NFATC3: variants seen among roughly 807,000 people sequenced by gnomAD.
The protein encoded by NFATC3 is nuclear factor of activated T-cells, cytoplasmic 3.
NFATC3 carries 46 observed loss-of-function variants against 98.6 expected under a neutral mutation model. The observed-to-expected ratio is 0.47, with a 90% CI of 0.37 to 0.60. NFATC3 has a LOEUF of 0.60. Among genes scored for constraint, NFATC3 ranks in the 20% least tolerant of loss-of-function variants. The pLI is 0.00. For synonymous variants in NFATC3, 512 were observed against 472.2 expected (o/e 1.08, Z -1.09); for missense variants, 1,256 against 1,295.5 (o/e 0.97, Z 0.47).
intron 8 of NFATC3, among the ~76,000 whole-genome samples, chr16:68,187,130 GGGTCTGGCA>G (rs1028001967): frequency 3.9e-5 from 6 of 152,224 alleles, no homozygotes; most frequent in Non-Finnish European, 7.3e-5. Context: ...TGGCTATGGA[GGGTCTGGCA>G]GCTCTAGGCA....
intron 1 of NFATC3, among the ~76,000 whole-genome samples, chr16:68,113,466 C>T (rs145774414): frequency 6.6e-6 from 1 of 152,226 alleles, no homozygotes; most frequent in African/African-American, 2.4e-5. Context: ...GCCTCCTCCT[C>T]TGGGAGCTTC....
intron 1 of NFATC3, among the ~76,000 whole-genome samples, chr16:68,087,435 G>A (rs1314098346): frequency 1.3e-5 from 2 of 152,130 alleles, no homozygotes; most frequent in South Asian, 4.1e-4. Context: ...TCTAAAAGGA[G>A]TTATCTGTAA....
intron 1 of NFATC3, among the ~76,000 whole-genome samples, chr16:68,100,907 G>GTGT (rs2035310876): frequency 7.0e-6 from 1 of 142,824 alleles, no homozygotes; most frequent in African/African-American, 2.5e-5. Flanking sequence ...GTGTGTGTGG[G>GTGT]GTGTGTGTGT....
intron 1 of NFATC3, among the ~76,000 whole-genome samples, chr16:68,116,746 G>A (rs1166856448): frequency 6.6e-6 from 1 of 151,914 alleles, no homozygotes; most frequent in Non-Finnish European, 1.5e-5. Flanking sequence ...ACTGAAATGG[G>A]CTGGTACAAT....
At chr16:68,166,611 G>A (rs558749669) in intron 4 of NFATC3, among the ~76,000 whole-genome samples, 19 of 152,322 alleles carry the variant, frequency 1.2e-4, no homozygotes, top group Admixed American at 1.2e-3. Context: ...CTGGAATGAA[G>A]AGGAATTATT....
Position 68,227,365 on chromosome 16 carries a change from A to G in NFATC3, c.*894A>G, listed in dbSNP as rs934898169. On this transcript the variant is annotated 3_prime_UTR_variant, in exon 10 of 10. Coordinates refer to ENST00000346183, the MANE Select transcript of NFATC3 (RefSeq NM_173165.3). ...TCATCTGGTCGTAGAACCTTTTCCA[A>G]ACAGAAGCATCTGCCTTTGGCTGTT... The G allele has an allele frequency of 6.6e-6, 1 of 152,006 alleles. No individual in the cohort carries two copies. Among genetic ancestry groups the G allele is most frequent in the Non-Finnish European group, 1.5e-5 (1 of 67,986 alleles). The allele number at this position is 152,006 out of a possible 1,614,324, so 9.4% of individuals were successfully genotyped here. A position where few individuals can be genotyped will look rare whatever the true frequency, so the allele number is the denominator to read the frequency against.
At chr16:68,103,385 T>A (rs1000848813) in intron 1 of NFATC3, among the ~76,000 whole-genome samples, 5 of 152,010 alleles carry the variant, frequency 3.3e-5, no homozygotes, top group African/African-American at 1.2e-4. Flanking sequence ...AGTTTTGTAT[T>A]ATTTTGTGGA....
intron 1 of NFATC3, among the ~76,000 whole-genome samples, chr16:68,086,191 C>A (rs1388522443): frequency 6.6e-6 from 1 of 152,152 alleles, no homozygotes; most frequent in Non-Finnish European, 1.5e-5. Flanking sequence ...TTGAAAGATG[C>A]TTATTTTTCA....
chr16:68,095,412 G>A (rs1394911789), intron 1 of NFATC3, among the ~76,000 whole-genome samples: 2 of 148,492 alleles, frequency 1.3e-5, no homozygotes, highest in Non-Finnish European at 3.0e-5. Flanking sequence ...GAGCACAGTG[G>A]CACAATCTCT....
At chr16:68,165,329 T>C (rs2039135441) in intron 4 of NFATC3, among the ~76,000 whole-genome samples, 1 of 151,918 alleles carries the variant, frequency 6.6e-6, no homozygotes, top group Middle Eastern at 3.2e-3. Context: ...AAATTTTGAG[T>C]GGCTTAATTC....
At chr16:68,134,407 T>A (rs1017103089) in intron 3 of NFATC3, among the ~76,000 whole-genome samples, 2 of 152,162 alleles carry the variant, frequency 1.3e-5, no homozygotes, top group Non-Finnish European at 2.9e-5. Flanking sequence ...TTTTCTTGTC[T>A]GAAACTCTTG....
chr16:68,088,923 A>C (rs1421324508), intron 1 of NFATC3: 1 of 975,798 alleles, frequency 1.0e-6, no homozygotes, highest in Non-Finnish European at 1.2e-6. Flanking sequence ...CTGGCTTCCC[A>C]AAATGCTGGG....
At chr16:68,117,201 T>C (rs1159366338) in intron 1 of NFATC3, among the ~76,000 whole-genome samples, 1 of 152,206 alleles carries the variant, frequency 6.6e-6, no homozygotes. Flanking sequence ...TTCTGTCCAC[T>C]TGAGTACCAT....
chr16:68,102,090 C>T (rs7193595), intron 1 of NFATC3, among the ~76,000 whole-genome samples: 4,565 of 151,832 alleles, frequency 0.03, 204 homozygotes, highest in African/African-American at 0.1. Context: ...TAAAGGTCTT[C>T]ACCAGGCGCA....
chr16:68,150,431 A>T (rs1334886914), intron 3 of NFATC3, among the ~76,000 whole-genome samples: 1 of 148,156 alleles, frequency 6.7e-6, no homozygotes, highest in Non-Finnish European at 1.5e-5. Flanking sequence ...AAAAAAAAAA[A>T]AAAAGCTAGG....
At position 68,122,191 on chromosome 16, in the gene NFATC3, C is replaced by T; in HGVS notation, c.308C>T (p.Pro103Leu). ...TCTAAATATAGCCCATTAGGTGGTC[C>T]CAAACCCTTTGAGTGCCCAAGTATT... ...PESKYSPLGG[P>L]KPFECPSIQI... Residue 103 changes from proline to leucine, a missense_variant, in exon 2 of 10, where the codon CCC becomes CTC. Physicochemically the swap from Pro to Leu is moderately conservative, Grantham distance 98 (BLOSUM62 -3). This residue lies in a region of NFATC3 where 464 missense variants were observed against 465.7 expected (regional missense o/e 1.00). Coordinates refer to ENST00000346183, the MANE Select transcript of NFATC3 (RefSeq NM_173165.3). 3 of 1,614,052 alleles carry T rather than the reference C, an allele frequency of 1.9e-6. No individual in the cohort carries two copies. Among genetic ancestry groups the T allele is most frequent in the Non-Finnish European group, 2.5e-6 (3 of 1,180,000 alleles).
At chr16:68,156,050 C>T (rs752598623) in intron 3 of NFATC3, among the ~76,000 whole-genome samples, 4 of 152,186 alleles carry the variant, frequency 2.6e-5, no homozygotes, top group Non-Finnish European at 4.4e-5. Context: ...GGTGCATTGA[C>T]TCATGCCTGT....
intron 1 of NFATC3, chr16:68,086,583 T>G: frequency 1.5e-5 from 14 of 949,934 alleles, no homozygotes; most frequent in Non-Finnish European, 1.6e-5. Context: ...AGCTCTTTTG[T>G]GACCTGGTTT....
intron 5 of NFATC3, among the ~76,000 whole-genome samples, chr16:68,167,807 G>GTTT (rs1263970399): frequency 1.2e-3 from 29 of 23,626 alleles, no homozygotes; most frequent in South Asian, 4.4e-3. Flanking sequence ...AACCGTATGT[G>GTTT]TTCTTTTTTT....
Sources: gnomAD v4.1 joint callset for allele counts (sites outside exome capture counted in the v4.1 genomes callset) on GRCh38, gnomAD v4.1.1 for gene constraint, gnomAD v4.1.1 regional missense constraint, MANE v1.5 for transcripts, NCBI Gene and HGNC (gene_info 2026-07-23, HGNC 2026-07-21) for gene names.